WDR33: variants seen among roughly 807,000 people sequenced by gnomAD.
The protein encoded by WDR33 is pre-mRNA 3' end processing protein WDR33.
A neutral mutation model predicts 164.9 loss-of-function variants in WDR33; 47 were observed. The ratio of observed to expected loss-of-function variants is 0.29; its 90% CI spans 0.23 to 0.36. The LOEUF (loss-of-function observed/expected upper bound fraction) is 0.36. Ranked by LOEUF, WDR33 falls within the 10% of genes least tolerant of loss-of-function variation. WDR33 has a pLI of 1.00. For missense variants in WDR33, 1,137 were observed against 1,754.1 expected (o/e 0.65, Z 6.28); for synonymous variants, 505 against 589.0 (o/e 0.86, Z 2.06).
In WDR33 at chr2:127,701,358, C is replaced by G; in HGVS notation, c.*4965G>C. ...ACAGGCAGCACCTGCGACCACGGTACTTGGGGACACCACAAAAGTCCGCAG... is the reference window on the plus strand; with the variant it reads ...ACAGGCAGCACCTGCGACCACGGTAGTTGGGGACACCACAAAAGTCCGCAG... On this transcript the variant is annotated 3_prime_UTR_variant, in exon 22 of 22. Transcript: ENST00000322313. 1.9e-6 allele frequency: 1 copy of G among 540,492 alleles called. No individual in the cohort carries two copies. Among genetic ancestry groups the G allele is most frequent in the Non-Finnish European group, 2.8e-6 (1 of 362,332 alleles). 33.5% of individuals were successfully genotyped at this position (540,492 alleles called of 1,614,324 possible).
At chr2:127,715,544 T>C (rs1460999941) in intron 17 of WDR33, among the ~76,000 whole-genome samples, 1 of 152,204 alleles carries the variant, frequency 6.6e-6, no homozygotes, top group Non-Finnish European at 1.5e-5. Context: ...TCCTCTCCTC[T>C]CTACTCAGCA....
At chr2:127,762,990 G>A in intron 7 of WDR33, 72 bp downstream of exon 7, 1 of 1,607,600 alleles carries the variant, frequency 6.2e-7, no homozygotes, top group Non-Finnish European at 8.5e-7. Context: ...CCAGTATTGT[G>A]GTTTTGTGAT....
At chr2:127,774,686 C>T (rs560709247) in intron 1 of WDR33, among the ~76,000 whole-genome samples, 114 of 152,154 alleles carry the variant, frequency 7.5e-4, no homozygotes, top group African/African-American at 2.6e-3. Flanking sequence ...AAAAATTAGC[C>T]AGGCGTGGTG....
intron 7 of WDR33, among the ~76,000 whole-genome samples, chr2:127,731,294 C>CAAAAAAAAAAAAA (rs35161101): frequency 1.4e-5 from 1 of 70,330 alleles, no homozygotes; most frequent in African/African-American, 5.4e-5. Context: ...GACCCTGCCT[C>CAAAAAAAAAAAAA]AAAAAAAAAA....
At chr2:127,711,424 C>CA (rs1197934586) in intron 18 of WDR33, among the ~76,000 whole-genome samples, 9,038 of 53,566 alleles carry the variant, frequency 0.17, 659 homozygotes, top group African/African-American at 0.28. Context: ...GATTCCCTCT[C>CA]AAAAAAAAAA....
chr2:127,732,060 G>A (rs1010507246), intron 7 of WDR33, among the ~76,000 whole-genome samples: 12 of 150,382 alleles, frequency 8.0e-5, no homozygotes, highest in Non-Finnish European at 1.6e-4. Flanking sequence ...TACATTCCAG[G>A]CTGGGTGATG....
Position 127,719,323 on chromosome 2 carries a change from G to A in WDR33, c.2702C>T (p.Pro901Leu), listed in dbSNP as rs1178275780. The A allele has an allele frequency of 8.2e-6, 12 of 1,466,630 alleles. No individual in the cohort carries two copies. The highest frequency in any genetic ancestry group is 1.1e-5 in the Non-Finnish European group (12 of 1,106,760). The allele number at this position is 1,466,630 out of a possible 1,614,324, so 90.9% of individuals were successfully genotyped here. ...RGPHPSQGPI[P>L]FQQQKTPLLG... ...CAGAGGCGTTTTCTGTTGCTGGAATGGTATTGGCCCTTGAGATGGATGTGG... is the reference window on the plus strand; with the variant it reads ...CAGAGGCGTTTTCTGTTGCTGGAATAGTATTGGCCCTTGAGATGGATGTGG... Residue 901 changes from proline (P) to leucine (L), a missense_variant, in exon 16 of 22, where the codon CCA becomes CTA. Transcript: ENST00000322313. The surrounding 1 kb of genome is among the most constrained non-coding windows in gnomAD (Gnocchi z 6.5).
rs77857082 is a variant in WDR33 at position 127,734,268 on chromosome 2, C to T, written c.725-7491G>A. Among the ~76,000 whole-genome samples, 1,364 of 152,264 alleles carry T rather than the reference C, an allele frequency of 9.0e-3. 22 individuals carry two copies. The highest frequency in any genetic ancestry group is 0.03 in the African/African-American group (1,242 of 41,532). ...CAAAAGAAATTCCAAATTAATCACA[C>T]TGAGTTATTTTTAGATATTAAGCAT... is the stretch of plus-strand genomic sequence containing the variant. On this transcript the variant is annotated intron_variant, in intron 7 of 21. Transcript: ENST00000322313.
chr2:127,755,654 A>T (rs1372937215), intron 7 of WDR33, among the ~76,000 whole-genome samples: 1 of 152,224 alleles, frequency 6.6e-6, no homozygotes, highest in Non-Finnish European at 1.5e-5. Context: ...TGTGGCAGTC[A>T]TCAATGAAGT....
At position 127,708,618 on chromosome 2, in the gene WDR33, G is replaced by C; in HGVS notation, c.3781+59C>G. 1 of 1,505,062 alleles carries C rather than the reference G, an allele frequency of 6.6e-7. No homozygotes were observed. Among genetic ancestry groups the C allele is most frequent in the South Asian group, 1.3e-5 (1 of 76,098 alleles). 93.2% of individuals were successfully genotyped at this position (1,505,062 alleles called of 1,614,324 possible). On this transcript the variant is annotated intron_variant, in intron 21 of 21. Coordinates refer to ENST00000322313, the MANE Select transcript of WDR33 (RefSeq NM_018383.5). This position sits in a 1 kb window ranked among gnomAD's most constrained non-coding sequence, Gnocchi z 6.7. Reference sequence around the variant, plus strand: ...TGCAAGGGCATGTGCAGCAGATACAGGCAAGGCCTCCATCGGCCCCTGCAT... The same window carrying C: ...TGCAAGGGCATGTGCAGCAGATACACGCAAGGCCTCCATCGGCCCCTGCAT...
At chr2:127,749,321 G>A (rs568922955) in intron 7 of WDR33, among the ~76,000 whole-genome samples, 1 of 152,118 alleles carries the variant, frequency 6.6e-6, no homozygotes, top group African/African-American at 2.4e-5. Context: ...GTGACTGAGT[G>A]AAACGGTCTC....
chr2:127,796,001 TG>T (rs1301194510), intron 1 of WDR33, among the ~76,000 whole-genome samples: 1 of 151,966 alleles, frequency 6.6e-6, no homozygotes, highest in East Asian at 1.9e-4. Context: ...TAGGTAAACT[TG>T]GTATACATAA....
rs1687004789 is a variant in WDR33, at chr2:127,741,210, A to G, written c.725-14433T>C. 6.6e-6 allele frequency among the ~76,000 whole-genome samples: 1 copy of G among 152,256 alleles called. No homozygotes were observed. The highest frequency in any genetic ancestry group is 1.5e-5 in the Non-Finnish European group (1 of 68,036). On this transcript the variant is annotated intron_variant, in intron 7 of 21. Coordinates refer to ENST00000322313, the MANE Select transcript of WDR33 (RefSeq NM_018383.5). The surrounding 1 kb of genome is among the most constrained non-coding windows in gnomAD (Gnocchi z 4.1). ...ACATTTCAGTCTGGGAAGAAACCCT[A>G]GAGCAGGATTTGAGGCTGAAGAGTA...
At chr2:127,736,075 GGTAA>G in intron 7 of WDR33, 3 of 985,398 alleles carry the variant, frequency 3.0e-6, no homozygotes, top group South Asian at 4.7e-5. Context: ...TTTTAAAATG[GGTAA>G]GTTTCTTTCC....
chr2:127,780,508 T>C (rs567917943), intron 1 of WDR33, among the ~76,000 whole-genome samples: 11 of 152,246 alleles, frequency 7.2e-5, no homozygotes, highest in African/African-American at 2.4e-4. Flanking sequence ...TCCTGAAAAA[T>C]CAGGAGAAAT....
rs1413309357 is a variant in WDR33 at position 127,718,918 on chromosome 2, C to G, written c.2760+347G>C. Among the ~76,000 whole-genome samples the G allele has an allele frequency of 1.3e-5, 2 of 152,190 alleles. No homozygotes were observed. The highest frequency in any genetic ancestry group is 2.9e-5 in the Non-Finnish European group (2 of 68,040). ...GCATGACAGCCTCAGAGCCGACCAC[C>G]ATGTAAAACATGCTTCCTCCTCAGG... is the stretch of plus-strand genomic sequence containing the variant. On this transcript the variant is annotated intron_variant, in intron 16 of 21. Transcript: ENST00000322313. The surrounding 1 kb of genome is among the most constrained non-coding windows in gnomAD (Gnocchi z 4.4).
rs1465069245 is a variant in WDR33, at chr2:127,768,246, T to G, written c.321A>C (p.Thr107=). 1 of 1,582,736 alleles carries G rather than the reference T, an allele frequency of 6.3e-7. No homozygotes were observed. The change falls in exon 4 of 22, where the codon ACA becomes ACC. Residue 107 remains threonine, a synonymous_variant. Coordinates refer to ENST00000322313, the MANE Select transcript of WDR33 (RefSeq NM_018383.5). ...TTGTTGATGTCCGAACAAATTTTGT[T>G]GTTACTGCATTCATAGGATTATTCA... ...GMLNNPMNAV[T]TKFVRTSTNK...
chr2:127,753,255 C>A (rs1687424436), intron 7 of WDR33, among the ~76,000 whole-genome samples: 1 of 152,192 alleles, frequency 6.6e-6, no homozygotes, highest in Non-Finnish European at 1.5e-5. Flanking sequence ...AAGACCAATT[C>A]TAAGTTCATA....
rs2105373709 is a variant in WDR33 at position 127,712,111 on chromosome 2, A to T, written c.3308+1472T>A. ...ACAAGAAGAGTAAGAAATGGAATGA[A>T]AGGACCAGGCGCAGTGGCTCACGCC... On this transcript the variant is annotated intron_variant, in intron 18 of 21. Transcript: ENST00000322313. This position sits in a 1 kb window ranked among gnomAD's most constrained non-coding sequence, Gnocchi z 4.0. 6.6e-6 allele frequency among the ~76,000 whole-genome samples: 1 copy of T among 151,906 alleles called. No homozygotes were observed. Among genetic ancestry groups the T allele is most frequent in the Non-Finnish European group, 1.5e-5 (1 of 67,928 alleles).
Sources: gnomAD v4.1 joint callset for allele counts (sites outside exome capture counted in the v4.1 genomes callset) on GRCh38, gnomAD v4.1.1 for gene constraint, Gnocchi (gnomAD v3.1) non-coding constraint, MANE v1.5 for transcripts, NCBI Gene and HGNC (gene_info 2026-07-23, HGNC 2026-07-21) for gene names.